The following ACYP2 variants were observed in gnomAD, a reference collection of about 807,000 sequenced individuals.
ACYP2 encodes acylphosphatase-2.
In ACYP2, 12 loss-of-function variants were observed where a neutral mutation model predicts 11.2. That is an observed-to-expected ratio of 1.08 (90% CI 0.69 to 1.74). ACYP2 has a LOEUF of 1.74. Ranked by LOEUF, ACYP2 falls within the 40% of genes most tolerant of loss-of-function variation. ACYP2 has a pLI of 0.00. For missense variants in ACYP2, 134 were observed against 101.9 expected (o/e 1.31, Z -1.35); for synonymous variants, 43 against 32.2 (o/e 1.33, Z -1.13).
At chr2:54,126,207 G>A (rs4671869) in intron 4 of ACYP2, among the ~76,000 whole-genome samples, 2,274 of 152,308 alleles carry the variant, frequency 0.015, 54 homozygotes, top group Admixed American at 0.07. Flanking sequence ...TTTTGTGACT[G>A]TACACACTGA....
chr2:54,042,803 A>G (rs1053527271), intron 2 of ACYP2, among the ~76,000 whole-genome samples: 5 of 152,214 alleles, frequency 3.3e-5, no homozygotes, highest in Non-Finnish European at 7.3e-5. Context: ...CATATTTACA[A>G]TGCAGACTCT....
intron 6 of ACYP2, among the ~76,000 whole-genome samples, chr2:54,203,129 CT>C (rs796431699): frequency 2.8e-4 from 42 of 152,020 alleles, no homozygotes; most frequent in African/African-American, 9.4e-4. Flanking sequence ...TTATTTAGAT[CT>C]TTTTAAATTT....
At chr2:54,114,354 A>T (rs919501325) in intron 4 of ACYP2, among the ~76,000 whole-genome samples, 1 of 139,146 alleles carries the variant, frequency 7.2e-6, no homozygotes, top group African/African-American at 2.7e-5. Flanking sequence ...GGCAATTGGG[A>T]TGTTGCTGAG....
chr2:54,217,830 A>G (rs375578263), intron 6 of ACYP2, among the ~76,000 whole-genome samples: 257 of 152,336 alleles, frequency 1.7e-3, no homozygotes, highest in African/African-American at 5.9e-3. Context: ...AGAGAATAGC[A>G]TGATAACTGG....
intron 2 of ACYP2, among the ~76,000 whole-genome samples, chr2:53,979,903 G>A (rs992165068): frequency 2.0e-5 from 3 of 152,072 alleles, no homozygotes; most frequent in Admixed American, 2.0e-4. Flanking sequence ...TGTTGGCCAG[G>A]CTGGTCTGGA....
At chr2:54,231,618 C>T (rs990771838) in intron 6 of ACYP2, among the ~76,000 whole-genome samples, 3 of 152,076 alleles carry the variant, frequency 2.0e-5, no homozygotes, top group African/African-American at 4.8e-5. Context: ...GGAATGATAT[C>T]GAATTTGTAT....
intron 2 of ACYP2, among the ~76,000 whole-genome samples, chr2:54,038,372 C>G (rs1382594136): frequency 1.3e-5 from 2 of 151,984 alleles, no homozygotes; most frequent in African/African-American, 4.8e-5. Context: ...GCAAATATAT[C>G]TTACTTTCCA....
chr2:54,302,288 C>T (rs1384670499), intron 6 of ACYP2, among the ~76,000 whole-genome samples: 2 of 152,164 alleles, frequency 1.3e-5, no homozygotes, highest in African/African-American at 2.4e-5. Context: ...CAGGTGACAT[C>T]GACGTTGCTA....
intron 6 of ACYP2, among the ~76,000 whole-genome samples, chr2:54,200,171 G>T: frequency 6.6e-6 from 1 of 152,244 alleles, no homozygotes; most frequent in Non-Finnish European, 1.5e-5. Flanking sequence ...TCTCTCAATT[G>T]CTAGCTGTGT....
At chr2:54,240,486 A>T (rs1686685727) in intron 6 of ACYP2, among the ~76,000 whole-genome samples, 1 of 152,146 alleles carries the variant, frequency 6.6e-6, no homozygotes, top group Admixed American at 6.6e-5. Flanking sequence ...TTCTTTTTCT[A>T]ATAACTGGGA....
intron 3 of ACYP2, chr2:54,051,732 G>A (rs747906680): frequency 3.5e-6 from 2 of 570,926 alleles, no homozygotes; most frequent in Non-Finnish European, 6.4e-6. Flanking sequence ...GAATCATCAA[G>A]GCTGAAAAAA....
intron 4 of ACYP2, among the ~76,000 whole-genome samples, chr2:54,115,991 CAG>C (rs1258000443): frequency 2.0e-5 from 3 of 151,388 alleles, no homozygotes; most frequent in African/African-American, 4.9e-5. Flanking sequence ...GAGGAGGGGT[CAG>C]GGGACTGCTG....
chr2:54,266,274 A>G (rs1215793512), intron 6 of ACYP2, among the ~76,000 whole-genome samples: 1 of 152,194 alleles, frequency 6.6e-6, no homozygotes, highest in Non-Finnish European at 1.5e-5. Flanking sequence ...AACACACTCA[A>G]TCATTTACCA....
chr2:54,194,906 G>A (rs951877562), intron 6 of ACYP2, among the ~76,000 whole-genome samples: 1 of 152,114 alleles, frequency 6.6e-6, no homozygotes, highest in African/African-American at 2.4e-5. Flanking sequence ...GGTATCACTA[G>A]TGGAAACTCT....
intron 2 of ACYP2, among the ~76,000 whole-genome samples, chr2:54,003,806 A>G (rs1558465088): frequency 6.6e-6 from 1 of 152,174 alleles, no homozygotes; most frequent in Non-Finnish European, 1.5e-5. Context: ...TTTATAAAAA[A>G]CTGTCAAACC....
intron 2 of ACYP2, among the ~76,000 whole-genome samples, chr2:54,005,266 G>A (rs1673004196): frequency 6.6e-6 from 1 of 151,872 alleles, no homozygotes; most frequent in South Asian, 2.1e-4. Context: ...ACCATTTGTT[G>A]AAAAGACTAT....
chr2:54,144,801 T>C (rs182042249), intron 6 of ACYP2, among the ~76,000 whole-genome samples: 90 of 152,270 alleles, frequency 5.9e-4, no homozygotes, highest in African/African-American at 1.9e-3. Context: ...ATCTACTTAA[T>C]TGGTATATTT....
intron 6 of ACYP2, chr2:54,255,594 C>G (rs771195486): frequency 1.2e-6 from 2 of 1,613,560 alleles, no homozygotes; most frequent in African/African-American, 2.7e-5. Context: ...CAGGCCCTGC[C>G]TCCCTGTTTA....
intron 6 of ACYP2, among the ~76,000 whole-genome samples, chr2:54,268,125 A>G (rs1688121492): frequency 6.6e-6 from 1 of 152,224 alleles, no homozygotes; most frequent in African/African-American, 2.4e-5. Flanking sequence ...CTGAACCACA[A>G]CATTTAATTC....
Sources: allele counts gnomAD v4.1 joint callset (sites outside exome capture counted in the v4.1 genomes callset), GRCh38; gene constraint gnomAD v4.1.1; transcripts MANE v1.5; gene names NCBI Gene and HGNC (gene_info 2026-07-23, HGNC 2026-07-21).